Variants in ACTR10 observed in about 807,000 individuals in gnomAD.
The protein encoded by ACTR10 is actin-related protein 10.
A neutral mutation model predicts 56.2 loss-of-function variants in ACTR10; 43 were observed. The observed-to-expected ratio is 0.77, with a 90% confidence interval of 0.60 to 0.99. ACTR10 has a LOEUF of 0.99. ACTR10 is among the 50% of genes least tolerant of loss of function. The pLI, the probability that ACTR10 is intolerant of heterozygous loss-of-function variation, is 0.00. For synonymous variants in ACTR10, 170 were observed against 176.3 expected, an observed-to-expected ratio of 0.96 and a Z score of 0.28; for missense variants, 466 against 507.8, an observed-to-expected ratio of 0.92 and a Z score of 0.79.
intron 2 of ACTR10, among the ~76,000 whole-genome samples, chr14:58,207,707 A>G (rs1888900264): frequency 6.6e-6 from 1 of 152,184 alleles, no homozygotes; most frequent in African/African-American, 2.4e-5. Flanking sequence ...TTTACTTCCT[A>G]TGAACACACA....
intron 5 of ACTR10, among the ~76,000 whole-genome samples, chr14:58,212,312 G>A (rs1889023207): frequency 6.6e-6 from 1 of 152,178 alleles, no homozygotes; most frequent in South Asian, 2.1e-4. Flanking sequence ...AATTCAAGCT[G>A]TCCCAAAATT....
chr14:58,223,571 T>G, intron 8 of ACTR10, 51 bp from the exon 9 acceptor site: 2 of 1,432,512 alleles, frequency 1.4e-6, no homozygotes, highest in Non-Finnish European at 1.9e-6. Flanking sequence ...AGGTACACTC[T>G]GTTCAATTAT....
chr14:58,203,799 G>T (rs898355959), intron 2 of ACTR10, among the ~76,000 whole-genome samples: 1 of 152,122 alleles, frequency 6.6e-6, no homozygotes, highest in African/African-American at 2.4e-5. Flanking sequence ...CCAGTAGAAA[G>T]AATGATTTTG....
chr14:58,203,302 C>CAAAAA (rs11384472), intron 2 of ACTR10, among the ~76,000 whole-genome samples: 1 of 105,448 alleles, frequency 9.5e-6, no homozygotes, highest in Non-Finnish European at 1.8e-5. Context: ...GACTTCGTCT[C>CAAAAA]AAAAAAAAAA....
intron 7 of ACTR10, among the ~76,000 whole-genome samples, 189 bp downstream of exon 7, chr14:58,215,473 C>G (rs1469605562): frequency 6.6e-6 from 1 of 152,124 alleles, no homozygotes; most frequent in African/African-American, 2.4e-5. Context: ...TTTAGTCATC[C>G]TTTCCAGAAC....
In ACTR10 at chr14:58,230,479, A is replaced by G; in HGVS notation, c.869A>G (p.Gln290Arg). ...VATLILDSLI[Q>R]CPIDTRKQLA... The stretch of plus-strand genomic sequence containing the variant: ...ACTTTAATATTGGATTCCCTTATAC[A>G]GGTATTTTATCTTGTCAAAAAATTC... Residue 290 changes from glutamine to arginine, a missense_variant and splice_region_variant, in exon 11 of 13, where the codon CAG (glutamine) becomes CGG (arginine). Gln to Arg is a conservative substitution (Grantham distance 43). Coordinates refer to ENST00000254286, the MANE Select transcript of ACTR10 (RefSeq NM_018477.3). 1 of 1,512,646 alleles carries G rather than the reference A, an allele frequency of 6.6e-7. No homozygotes were observed. Among genetic ancestry groups the G allele is most frequent in the Non-Finnish European group, 8.9e-7 (1 of 1,128,516 alleles). The allele number at this position is 1,512,646 out of a possible 1,614,324, so 93.7% of individuals were successfully genotyped here. A position where few individuals can be genotyped will look rare whatever the true frequency, so the allele number is the denominator to read the frequency against.
At chr14:58,229,414 C>T (rs970568952) in intron 10 of ACTR10, among the ~76,000 whole-genome samples, 9 of 152,198 alleles carry the variant, frequency 5.9e-5, no homozygotes, top group African/African-American at 2.2e-4. Flanking sequence ...CGCAGTGGCT[C>T]ACGCCTGTAA....
intron 1 of ACTR10, among the ~76,000 whole-genome samples, chr14:58,200,627 C>T (rs1334813993): frequency 6.6e-6 from 1 of 152,124 alleles, no homozygotes; most frequent in Admixed American, 6.5e-5. Context: ...ACCCTGGGCT[C>T]CTCAGTTGAG....
intron 2 of ACTR10, among the ~76,000 whole-genome samples, chr14:58,207,423 C>T (rs1425645922): frequency 1.3e-5 from 2 of 151,996 alleles, no homozygotes; most frequent in Non-Finnish European, 2.9e-5. Context: ...CCAGGGTTTT[C>T]AAGTGATTCT....
intron 10 of ACTR10, among the ~76,000 whole-genome samples, chr14:58,224,267 G>A (rs1457215008): frequency 6.6e-6 from 1 of 152,048 alleles, no homozygotes; most frequent in East Asian, 1.9e-4. Context: ...CTCCAGCAGT[G>A]CTGAGATTAC....
intron 4 of ACTR10, chr14:58,209,334 C>G (rs559406554): frequency 3.7e-6 from 1 of 266,828 alleles, no homozygotes; most frequent in African/African-American, 2.2e-5. Context: ...TATTTTCTTC[C>G]TTTGTGTGGT....
chr14:58,220,363 A>ATGT (rs10699302), intron 8 of ACTR10, among the ~76,000 whole-genome samples: 111,417 of 151,812 alleles, frequency 0.73, 41,538 homozygotes, highest in Middle Eastern at 0.88. Flanking sequence ...GGGCTGTGAA[A>ATGT]TGTTATTTGT....
At chr14:58,202,295 A>C (rs993745380) in intron 1 of ACTR10, among the ~76,000 whole-genome samples, 7 of 152,008 alleles carry the variant, frequency 4.6e-5, no homozygotes, top group Admixed American at 2.6e-4. Context: ...ACTAGGAAAA[A>C]AGTTGGCCAG....
At chr14:58,211,251 A>G in intron 4 of ACTR10, 41 bp from the exon 5 acceptor site, 39 of 1,094,816 alleles carry the variant, frequency 3.6e-5, no homozygotes, top group Non-Finnish European at 4.7e-5. Context: ...AAATAATGAC[A>G]CTCATTCCGG....
At chr14:58,207,901 A>G (rs770777796) in intron 2 of ACTR10, 35 bp from the exon 3 acceptor site, 1 of 1,199,954 alleles carries the variant, frequency 8.3e-7, no homozygotes, top group Admixed American at 2.9e-5. Context: ...TTATTTTATT[A>G]ATATAAATTA....
At chr14:58,230,619 T>G (rs886255062) in intron 11 of ACTR10, 139 bp downstream of exon 11, 7 of 418,970 alleles carry the variant, frequency 1.7e-5, no homozygotes, top group African/African-American at 1.4e-4. Context: ...TTATTAAATT[T>G]TATTAATTTT....
At chr14:58,200,960 A>G (rs1404483226) in intron 1 of ACTR10, among the ~76,000 whole-genome samples, 2 of 152,238 alleles carry the variant, frequency 1.3e-5, no homozygotes, top group Non-Finnish European at 1.5e-5. Flanking sequence ...ACAAATCTTA[A>G]GGTACTTATA....
chr14:58,234,557 T>C lies in ACTR10; in HGVS notation c.*6T>C, dbSNP rs1889629195. On this transcript the variant is annotated 3_prime_UTR_variant, in exon 13 of 13. Coordinates refer to ENST00000254286, the MANE Select transcript of ACTR10 (RefSeq NM_018477.3). ...CATTTTCCACTGAGAAATAGAAGTTTGATTAAAAATCAACCTTGCTTCATA... is the reference window on the plus strand; with the variant it reads ...CATTTTCCACTGAGAAATAGAAGTTCGATTAAAAATCAACCTTGCTTCATA... The C allele has an allele frequency of 6.2e-7, 1 of 1,601,958 alleles. No individual in the cohort carries two copies. Among genetic ancestry groups the C allele is most frequent in the Non-Finnish European group, 8.5e-7 (1 of 1,173,748 alleles).
chr14:58,211,261 G>A (rs772452142), intron 4 of ACTR10, 31 bp from the exon 5 acceptor site: 23 of 1,507,214 alleles, frequency 1.5e-5, no homozygotes, highest in Non-Finnish European at 1.9e-5. Flanking sequence ...ACTCATTCCG[G>A]TTTTGTTGTA....
Sources: gnomAD v4.1 joint callset for allele counts (sites outside exome capture counted in the v4.1 genomes callset) on GRCh38, gnomAD v4.1.1 for gene constraint, MANE v1.5 for transcripts, NCBI Gene and HGNC (gene_info 2026-07-23, HGNC 2026-07-21) for gene names.